CACNA1E: variants seen among roughly 807,000 people sequenced by gnomAD.
CACNA1E encodes calcium voltage-gated channel subunit alpha1 E, also known as voltage-dependent R-type calcium channel subunit alpha-1E.
A neutral mutation model predicts 259.2 loss-of-function variants in CACNA1E; 40 were observed. That is an observed-to-expected ratio of 0.15 (90% CI 0.12 to 0.20). CACNA1E has a LOEUF of 0.20. Among genes scored for constraint, CACNA1E ranks in the 10% least tolerant of loss-of-function variants. The pLI is 1.00. For synonymous variants in CACNA1E, 1,104 were observed against 1,138.5 expected, an observed-to-expected ratio of 0.97 and a Z score of 0.61; for missense variants, 1,874 against 3,040.1, an observed-to-expected ratio of 0.62 and a Z score of 9.02.
chr1:181,542,421 C>T (rs1002046211), intron 3 of CACNA1E, among the ~76,000 whole-genome samples: 1 of 152,160 alleles, frequency 6.6e-6, no homozygotes, highest in African/African-American at 2.4e-5. Context: ...GGCTTTGTGT[C>T]TCCACCCAAA....
intron 3 of CACNA1E, among the ~76,000 whole-genome samples, chr1:181,517,683 T>C (rs1025772526): frequency 6.6e-6 from 1 of 152,008 alleles, no homozygotes; most frequent in African/African-American, 2.4e-5. Context: ...GCTGCCGTCC[T>C]CATCCCCAGC....
chr1:181,431,338 A>C (rs943684218), intron 2 of CACNA1E, among the ~76,000 whole-genome samples: 2 of 152,176 alleles, frequency 1.3e-5, no homozygotes, highest in Non-Finnish European at 2.9e-5. Context: ...AGAGGTAAGT[A>C]ATTTCACCAT....
chr1:181,757,916 A>G, intron 30 of CACNA1E, 31 bp from the exon 31 acceptor site: 2 of 1,610,600 alleles, frequency 1.2e-6, no homozygotes, highest in Non-Finnish European at 1.7e-6. Flanking sequence ...GGGGATTTGA[A>G]TTTGTGCTAA....
rs1191748795 is a variant in CACNA1E, at chr1:181,800,459, C to T, written c.*1625C>T. The T allele has an allele frequency of 6.5e-6, 1 of 152,672 alleles. No homozygotes were observed. The highest frequency in any genetic ancestry group is 1.5e-5 in the Non-Finnish European group (1 of 68,078). The allele number at this position is 152,672 out of a possible 1,614,324, so 9.5% of individuals were successfully genotyped here. On this transcript the variant is annotated 3_prime_UTR_variant, in exon 48 of 48. Coordinates refer to ENST00000367573, the MANE Select transcript of CACNA1E (RefSeq NM_001205293.3). ...TCTTTTGGTATATGGCATACAGCTC[C>T]ATTGGAGGGGACACATCACTGGCTT...
chr1:181,738,813 C>T (rs1656298913), intron 24 of CACNA1E, among the ~76,000 whole-genome samples: 1 of 152,248 alleles, frequency 6.6e-6, no homozygotes, highest in Non-Finnish European at 1.5e-5. Context: ...ACTCCATAGT[C>T]TGTCTTGTTC....
chr1:181,563,023 T>A (rs1315956941), intron 3 of CACNA1E, among the ~76,000 whole-genome samples: 1 of 152,170 alleles, frequency 6.6e-6, no homozygotes, highest in Non-Finnish European at 1.5e-5. Flanking sequence ...GACTCAGAAG[T>A]ACTAGAATGA....
At chr1:181,464,364 A>G (rs1662017623) in intron 2 of CACNA1E, among the ~76,000 whole-genome samples, 2 of 151,536 alleles carry the variant, frequency 1.3e-5, no homozygotes, top group Admixed American at 1.3e-4. Context: ...CCTGGGCATG[A>G]CTTATTTCTT....
intron 2 of CACNA1E, among the ~76,000 whole-genome samples, chr1:181,458,748 C>CTTTCTATCTTTCACTTTGG (rs1223467598): frequency 6.6e-6 from 1 of 152,108 alleles, no homozygotes; most frequent in Non-Finnish European, 1.5e-5. Context: ...TATTGTTTGC[C>CTTTCTATCTTTCACTTTGG]TTTCTATCTT....
intron 2 of CACNA1E, 118 bp from the exon 3 acceptor site, chr1:181,511,253 C>G: frequency 8.2e-7 from 1 of 1,216,676 alleles, no homozygotes; most frequent in Non-Finnish European, 1.2e-6. Flanking sequence ...CCTTGCTTCC[C>G]ACCTACACAT....
At chr1:181,564,591 C>G (rs1166366632) in intron 3 of CACNA1E, among the ~76,000 whole-genome samples, 2 of 152,154 alleles carry the variant, frequency 1.3e-5, no homozygotes, top group African/African-American at 4.8e-5. Flanking sequence ...TTATGTTGGT[C>G]TTTTGACCTC....
intron 6 of CACNA1E, among the ~76,000 whole-genome samples, chr1:181,593,937 C>A (rs1421098420): frequency 1.3e-5 from 2 of 152,136 alleles, no homozygotes; most frequent in Admixed American, 6.5e-5. Flanking sequence ...GAGTCTATAC[C>A]AGAATAGCAT....
At chr1:181,322,203 A>G (rs1179274127) in intron 1 of CACNA1E, among the ~76,000 whole-genome samples, 2 of 152,156 alleles carry the variant, frequency 1.3e-5, no homozygotes, top group Admixed American at 6.5e-5. Flanking sequence ...ATTCCCAACA[A>G]GTGAGGGAGA....
chr1:181,672,850 T>C (rs371033645), intron 7 of CACNA1E, among the ~76,000 whole-genome samples: 2 of 152,330 alleles, frequency 1.3e-5, no homozygotes, highest in East Asian at 3.9e-4. Context: ...GTATTTGAGA[T>C]CATGCACCTT....
At chr1:181,787,812 A>C (rs962960490) in intron 43 of CACNA1E, among the ~76,000 whole-genome samples, 16 of 152,200 alleles carry the variant, frequency 1.1e-4, no homozygotes, top group Non-Finnish European at 2.2e-4. Flanking sequence ...AAGAGAAAGT[A>C]TGGTAAGTTT....
intron 6 of CACNA1E, among the ~76,000 whole-genome samples, chr1:181,603,931 TAGG>T (rs1194627337): frequency 6.6e-6 from 1 of 152,130 alleles, no homozygotes; most frequent in African/African-American, 2.4e-5. Context: ...GCTCACTTGG[TAGG>T]AGAAGTGTGC....
intron 6 of CACNA1E, among the ~76,000 whole-genome samples, chr1:181,628,140 G>A (rs547263696): frequency 6.6e-6 from 1 of 152,224 alleles, no homozygotes; most frequent in South Asian, 2.1e-4. Flanking sequence ...TGTCCTAAGT[G>A]AGAACCTCGA....
At chr1:181,710,095 C>A (rs76021748) in intron 7 of CACNA1E, among the ~76,000 whole-genome samples, 3,818 of 152,218 alleles carry the variant, frequency 0.025, 159 homozygotes, top group African/African-American at 0.087. Flanking sequence ...CCTGTTGTCA[C>A]ACGGAGTGGC....
At chr1:181,781,267 C>T (rs1271284873) in intron 38 of CACNA1E, among the ~76,000 whole-genome samples, 160 bp from the exon 39 acceptor site, 3 of 152,010 alleles carry the variant, frequency 2.0e-5, no homozygotes, top group African/African-American at 7.3e-5. Context: ...TTTTGTTTTT[C>T]TTCTCCTGTT....
At chr1:181,341,980 A>C (rs1652186253) in intron 1 of CACNA1E, among the ~76,000 whole-genome samples, 1 of 152,234 alleles carries the variant, frequency 6.6e-6, no homozygotes, top group African/African-American at 2.4e-5. Flanking sequence ...CCACAGTGAC[A>C]AGTTCCTGGA....
Sources: gnomAD v4.1 joint callset for allele counts (sites outside exome capture counted in the v4.1 genomes callset) on GRCh38, gnomAD v4.1.1 for gene constraint, MANE v1.5 for transcripts, NCBI Gene and HGNC (gene_info 2026-07-23, HGNC 2026-07-21) for gene names.